MNAT1: variants seen among roughly 807,000 people sequenced by gnomAD.
The protein encoded by MNAT1 is MNAT1 component of CDK activating kinase.
In MNAT1, 43 loss-of-function variants were observed where a neutral mutation model predicts 42.0. The ratio of observed to expected loss-of-function variants is 1.02; its 90% CI spans 0.80 to 1.32. MNAT1 has a LOEUF of 1.32. Ranked by LOEUF, MNAT1 falls within the 40% of genes most tolerant of loss-of-function variation. The pLI, the probability that MNAT1 is intolerant of heterozygous loss-of-function variation, is 0.00. For synonymous variants in MNAT1, 118 were observed against 120.0 expected, an observed-to-expected ratio of 0.98 and a Z score of 0.11; for missense variants, 306 against 350.4, an observed-to-expected ratio of 0.87 and a Z score of 1.01.
chr14:60,772,367 C>G (rs967590150), intron 1 of MNAT1, among the ~76,000 whole-genome samples: 3 of 152,102 alleles, frequency 2.0e-5, no homozygotes, highest in African/African-American at 7.2e-5. Context: ...GGTGGATCAC[C>G]TGAGGTCAGG....
chr14:60,841,871 A>G (rs2033563039), intron 6 of MNAT1, among the ~76,000 whole-genome samples: 1 of 152,222 alleles, frequency 6.6e-6, no homozygotes, highest in Admixed American at 6.5e-5. Flanking sequence ...ATCTGATGCC[A>G]TATGTATTTA....
intron 1 of MNAT1, 135 bp from the exon 2 acceptor site, chr14:60,796,082 T>C: frequency 1.4e-6 from 1 of 708,238 alleles, no homozygotes. Context: ...TTCCAGAAAG[T>C]TTTTTGGTAA....
intron 6 of MNAT1, among the ~76,000 whole-genome samples, chr14:60,843,258 A>G (rs1234946632): frequency 6.6e-6 from 1 of 151,944 alleles, no homozygotes; most frequent in Non-Finnish European, 1.5e-5. Flanking sequence ...AGCATTTTTT[A>G]TTCATTCGTT....
chr14:60,965,983 C>T (rs1377791947), intron 7 of MNAT1, among the ~76,000 whole-genome samples: 1 of 152,144 alleles, frequency 6.6e-6, no homozygotes, highest in Non-Finnish European at 1.5e-5. Context: ...CTTCATTTCT[C>T]ATGCATCAGA....
chr14:60,797,800 G>C lies in MNAT1; in HGVS notation c.243-287G>C, dbSNP rs191238655. ...ACATTAAGTGGATATGGTGGTGTGC[G>C]CCTGTAATAATCCCAGCTATTCGGG... On this transcript the variant is annotated intron_variant, in intron 2 of 7. Coordinates refer to ENST00000261245, the MANE Select transcript of MNAT1 (RefSeq NM_002431.4). 8.5e-4 allele frequency among the ~76,000 whole-genome samples: 129 copies of C among 152,102 alleles called. 1 individual carries two copies. Among genetic ancestry groups the C allele is most frequent in the African/African-American group, 3.0e-3 (125 of 41,498 alleles).
At chr14:60,855,564 C>T (rs1178928734) in intron 6 of MNAT1, among the ~76,000 whole-genome samples, 1 of 152,178 alleles carries the variant, frequency 6.6e-6, no homozygotes, top group African/African-American at 2.4e-5. Context: ...GGGAGGTCCC[C>T]CAGCTCCTTG....
intron 6 of MNAT1, among the ~76,000 whole-genome samples, chr14:60,846,562 T>A (rs182921516): frequency 3.3e-5 from 5 of 152,302 alleles, no homozygotes; most frequent in Admixed American, 3.3e-4. Context: ...CTATAATACC[T>A]CTACATACTG....
chr14:60,953,369 C>T (rs1048726157), intron 7 of MNAT1, among the ~76,000 whole-genome samples: 14 of 151,950 alleles, frequency 9.2e-5, no homozygotes. Context: ...CCACTTTGAT[C>T]TTCATAATAG....
intron 6 of MNAT1, among the ~76,000 whole-genome samples, chr14:60,879,268 G>A (rs958938945): frequency 1.3e-5 from 2 of 152,126 alleles, no homozygotes; most frequent in Non-Finnish European, 2.9e-5. Flanking sequence ...TCTGATAGGA[G>A]CTTTTTTCAA....
At chr14:60,898,178 T>C (rs561823519) in intron 7 of MNAT1, among the ~76,000 whole-genome samples, 1 of 151,966 alleles carries the variant, frequency 6.6e-6, no homozygotes, top group African/African-American at 2.4e-5. Context: ...TGTCCATAGA[T>C]GGATACTTAG....
intron 6 of MNAT1, among the ~76,000 whole-genome samples, chr14:60,863,071 A>G (rs1439992169): frequency 6.6e-6 from 1 of 152,156 alleles, no homozygotes; most frequent in Non-Finnish European, 1.5e-5. Context: ...AACAACAACA[A>G]CAACAACAAC....
chr14:60,957,861 G>A (rs1330468792), intron 7 of MNAT1, among the ~76,000 whole-genome samples: 2 of 151,606 alleles, frequency 1.3e-5, no homozygotes, highest in South Asian at 2.1e-4. Flanking sequence ...TTTGGGGATG[G>A]CGTTTCACTC....
chr14:60,959,153 A>G (rs577772566), intron 7 of MNAT1, among the ~76,000 whole-genome samples: 2 of 152,274 alleles, frequency 1.3e-5, no homozygotes, highest in East Asian at 3.9e-4. Context: ...TGTTGTAGCT[A>G]TGCTGACTGC....
chr14:60,842,834 G>A (rs2033586756), intron 6 of MNAT1, among the ~76,000 whole-genome samples: 1 of 152,046 alleles, frequency 6.6e-6, no homozygotes. Context: ...TTTAGTATAG[G>A]CTTCCTTAAT....
At chr14:60,830,407 G>A (rs2033180773) in intron 6 of MNAT1, among the ~76,000 whole-genome samples, 1 of 152,128 alleles carries the variant, frequency 6.6e-6, no homozygotes, top group African/African-American at 2.4e-5. Flanking sequence ...TGTTGAATAA[G>A]TTAAGGGACA....
intron 7 of MNAT1, among the ~76,000 whole-genome samples, chr14:60,949,052 G>T (rs2036334003): frequency 6.6e-6 from 1 of 152,050 alleles, no homozygotes; most frequent in African/African-American, 2.4e-5. Flanking sequence ...ATAATCACAT[G>T]TAGAATTAAT....
chr14:60,886,605 A>G (rs1252503250), intron 7 of MNAT1, among the ~76,000 whole-genome samples: 1 of 152,026 alleles, frequency 6.6e-6, no homozygotes, highest in Admixed American at 6.6e-5. Flanking sequence ...AAAGAAATAT[A>G]GCTGATTTTT....
chr14:60,743,551 A>T (rs1896534131), intron 1 of MNAT1, among the ~76,000 whole-genome samples: 1 of 152,208 alleles, frequency 6.6e-6, no homozygotes, highest in African/African-American at 2.4e-5. Flanking sequence ...AGCCTCTCAA[A>T]GTGCTGAGAT....
Position 60,840,198 on chromosome 14 carries a change from T to C in MNAT1, c.687+21351T>C, listed in dbSNP as rs80196831. ...ACATCTTGCAACAGTTTGAGTCCTCTGAGAAGCAGATGCCAACATGGGTTT... is the reference window on the plus strand; with the variant it reads ...ACATCTTGCAACAGTTTGAGTCCTCCGAGAAGCAGATGCCAACATGGGTTT... On this transcript the variant is annotated intron_variant, in intron 6 of 7. Transcript: ENST00000261245. Among the ~76,000 whole-genome samples the C allele has an allele frequency of 1.6e-3, 243 of 152,348 alleles. 3 individuals are homozygous for C. The East Asian group carries it at 0.038, about 24-fold the overall frequency.
Sources: gnomAD v4.1 joint callset for allele counts (sites outside exome capture counted in the v4.1 genomes callset) on GRCh38, gnomAD v4.1.1 for gene constraint, MANE v1.5 for transcripts, NCBI Gene and HGNC (gene_info 2026-07-23, HGNC 2026-07-21) for gene names.